The following ANKRD44 variants were observed in gnomAD, a reference collection of about 807,000 sequenced individuals.
ANKRD44 encodes ankyrin repeat domain 44.
ANKRD44 carries 35 observed loss-of-function variants against 116.0 expected under a neutral mutation model. The ratio of observed to expected loss-of-function variants is 0.30; its 90% CI spans 0.23 to 0.40. The LOEUF (loss-of-function observed/expected upper bound fraction) is 0.40, where lower values mean the gene tolerates loss of function less well. Ranked by LOEUF, ANKRD44 falls within the 10% of genes least tolerant of loss-of-function variation. The pLI, the probability that ANKRD44 is intolerant of heterozygous loss-of-function variation, is 1.00. For missense variants in ANKRD44, 1,014 were observed against 1,242.6 expected (o/e 0.82, Z 2.77); for synonymous variants, 435 against 461.8 (o/e 0.94, Z 0.74).
chr2:197,076,415 T>C (rs2077666946), intron 16 of ANKRD44, among the ~76,000 whole-genome samples: 1 of 152,150 alleles, frequency 6.6e-6, no homozygotes, highest in Non-Finnish European at 1.5e-5. Context: ...ACTGTTAAGA[T>C]ATTGGGTTCC....
downstream of ANKRD44, among the ~76,000 whole-genome samples, chr2:196,984,751 G>C (rs2075825075): frequency 1.3e-5 from 2 of 152,336 alleles, no homozygotes; most frequent in African/African-American, 4.8e-5. Context: ...GGTGAGTTCA[G>C]TCAGTCAAGC....
intron 1 of ANKRD44, among the ~76,000 whole-genome samples, chr2:197,252,456 G>T (rs2082340509): frequency 6.6e-6 from 1 of 151,680 alleles, no homozygotes; most frequent in Non-Finnish European, 1.5e-5. Context: ...GCCCAGGCTG[G>T]AGCGCAGTAG....
chr2:197,172,763 A>C (rs1483161550), intron 2 of ANKRD44, among the ~76,000 whole-genome samples: 1 of 152,020 alleles, frequency 6.6e-6, no homozygotes, highest in Non-Finnish European at 1.5e-5. Flanking sequence ...ACAGGGTTTC[A>C]CCATGTTGCT....
At chr2:197,273,977 A>T (rs2082982183) in intron 1 of ANKRD44, among the ~76,000 whole-genome samples, 3 of 51,326 alleles carry the variant, frequency 5.8e-5, no homozygotes, top group Non-Finnish European at 1.1e-4. Context: ...AAAAAAAAAA[A>T]AAAATATATA....
At chr2:197,247,466 A>T (rs2082218530) in intron 1 of ANKRD44, among the ~76,000 whole-genome samples, 1 of 152,226 alleles carries the variant, frequency 6.6e-6, no homozygotes, top group Admixed American at 6.5e-5. Flanking sequence ...AATCACATTG[A>T]CAGAAGTCCT....
chr2:197,056,285 A>C (rs192559254), intron 16 of ANKRD44, among the ~76,000 whole-genome samples: 6,250 of 151,256 alleles, frequency 0.041, 422 homozygotes, highest in African/African-American at 0.14. Context: ...TTTACACACA[A>C]AAAAAAAACC....
intron 1 of ANKRD44, among the ~76,000 whole-genome samples, chr2:197,214,116 TG>T (rs2081385535): frequency 6.6e-6 from 1 of 152,112 alleles, no homozygotes; most frequent in Non-Finnish European, 1.5e-5. Context: ...ATAATTTTTG[TG>T]GGAAATTACT....
At chr2:197,262,373 A>G (rs1420256597) in intron 1 of ANKRD44, among the ~76,000 whole-genome samples, 4 of 152,228 alleles carry the variant, frequency 2.6e-5, no homozygotes, top group Non-Finnish European at 5.9e-5. Flanking sequence ...CCACTCCTAG[A>G]GTCAACATCA....
chr2:197,236,533 G>T lies in ANKRD44; in HGVS notation c.28-49427C>A, dbSNP rs557452899. Among the ~76,000 whole-genome samples the T allele has an allele frequency of 2.0e-5, 3 of 152,240 alleles. No homozygotes were observed. In the East Asian group the frequency reaches 5.8e-4, roughly 29 times the overall value. On this transcript the variant is annotated intron_variant, in intron 1 of 27. Transcript: ENST00000282272. The stretch of plus-strand genomic sequence containing the variant: ...GTTTTTAACTTACTGCTATTATGTT[G>T]AAGCCTGCTCTGGTCTATGGGGCCT...
intron 1 of ANKRD44, among the ~76,000 whole-genome samples, chr2:197,189,726 G>A (rs1015520335): frequency 1.3e-5 from 2 of 152,206 alleles, no homozygotes; most frequent in African/African-American, 4.8e-5. Flanking sequence ...TAGAGGCAGT[G>A]TCTGACAAGA....
chr2:197,284,290 G>A (rs905418023), intron 1 of ANKRD44, among the ~76,000 whole-genome samples: 1 of 152,056 alleles, frequency 6.6e-6, no homozygotes, highest in Non-Finnish European at 1.5e-5. Flanking sequence ...CTGGGTATTC[G>A]CTGCATTCCC....
chr2:197,122,461 T>C (rs2078878604), intron 7 of ANKRD44, among the ~76,000 whole-genome samples, 189 bp downstream of exon 7: 2 of 152,318 alleles, frequency 1.3e-5, no homozygotes, highest in Middle Eastern at 6.8e-3. Flanking sequence ...TTATTCAGTT[T>C]CCAGTTTTCC....
chr2:197,136,901 G>A (rs759387308), intron 3 of ANKRD44, among the ~76,000 whole-genome samples: 4 of 152,178 alleles, frequency 2.6e-5, no homozygotes, highest in Non-Finnish European at 5.9e-5. Flanking sequence ...GTTTCCATGA[G>A]GCTTTTGGAT....
chr2:197,165,575 C>CCT (rs2080084734), intron 2 of ANKRD44, among the ~76,000 whole-genome samples: 1 of 152,172 alleles, frequency 6.6e-6, no homozygotes, highest in Non-Finnish European at 1.5e-5. Flanking sequence ...ATGTAAGAGG[C>CCT]ACTCAGCACT....
intron 21 of ANKRD44, 140 bp downstream of exon 21, chr2:197,005,554 T>C (rs2076186681): frequency 1.3e-6 from 1 of 793,220 alleles, no homozygotes; most frequent in Non-Finnish European, 2.0e-6. Context: ...ACAAACAAAA[T>C]ACACAAAAAA....
intron 1 of ANKRD44, among the ~76,000 whole-genome samples, chr2:197,273,980 AAT>A (rs1164251927): frequency 9.6e-4 from 42 of 43,886 alleles, no homozygotes; most frequent in African/African-American, 2.6e-3. Flanking sequence ...AAAAAAAAAA[AAT>A]ATATATATAT....
intron 9 of ANKRD44, among the ~76,000 whole-genome samples, chr2:197,101,704 G>C (rs2078297631): frequency 6.6e-6 from 1 of 152,186 alleles, no homozygotes; most frequent in African/African-American, 2.4e-5. Context: ...GGCAATCTGT[G>C]CGGTGATACA....
chr2:197,050,922 T>C (rs2125010019), intron 16 of ANKRD44, among the ~76,000 whole-genome samples: 1 of 152,070 alleles, frequency 6.6e-6, no homozygotes, highest in Non-Finnish European at 1.5e-5. Flanking sequence ...AGTACCCTAG[T>C]ACCCTGGGAT....
chr2:197,105,146 T>G (rs2078395381), intron 9 of ANKRD44, among the ~76,000 whole-genome samples: 3 of 152,022 alleles, frequency 2.0e-5, no homozygotes, highest in African/African-American at 7.2e-5. Context: ...GGACTCTCGC[T>G]TTTGTTGCCC....
Sources: gnomAD v4.1 joint callset for allele counts (sites outside exome capture counted in the v4.1 genomes callset) on GRCh38, gnomAD v4.1.1 for gene constraint, MANE v1.5 for transcripts, NCBI Gene and HGNC (gene_info 2026-07-23, HGNC 2026-07-21) for gene names.